RPS6KA2: variants seen among roughly 807,000 people sequenced by gnomAD.
RPS6KA2 encodes ribosomal protein S6 kinase alpha-2.
In RPS6KA2, 42 loss-of-function variants were observed where a neutral mutation model predicts 91.8. The ratio of observed to expected loss-of-function variants is 0.46; its 90% CI spans 0.36 to 0.59. The LOEUF is 0.59. Ranked by LOEUF, RPS6KA2 falls within the 20% of genes least tolerant of loss-of-function variation. The pLI is 0.00. For missense variants in RPS6KA2, 798 were observed against 978.5 expected (o/e 0.82, Z 2.46); for synonymous variants, 414 against 393.6 (o/e 1.05, Z -0.61).
At chr6:166,454,081 G>T (rs1380891997) in intron 12 of RPS6KA2, among the ~76,000 whole-genome samples, 2 of 152,138 alleles carry the variant, frequency 1.3e-5, no homozygotes, top group African/African-American at 4.8e-5. Context: ...TGAGGGATGA[G>T]AAATTACTTA....
chr6:166,613,572 A>G (rs556331926), intron 1 of RPS6KA2, among the ~76,000 whole-genome samples: 15 of 152,310 alleles, frequency 9.8e-5, no homozygotes, highest in African/African-American at 3.6e-4. Context: ...TCTGTCATGT[A>G]TAGTGTGTCC....
chr6:166,488,839 G>A lies in RPS6KA2; in HGVS notation c.901C>T (p.Arg301Trp), dbSNP rs1410370964. ...RALFKRNPCN[R>W]LGAGIDGVEE... The stretch of plus-strand genomic sequence containing the variant: ...GTGTCCCGGGGAATCTTACCCAGCC[G>A]GTTGCAGGGGTTCCGTTTGAAGAGA... The change falls in exon 10 of 21, where the codon CGG (arginine) becomes TGG (tryptophan). Residue 301 changes from arginine (R) to tryptophan (W), a missense_variant. Arg to Trp is a moderately radical substitution (Grantham distance 101). Transcript: ENST00000265678. 1.2e-6 allele frequency: 2 copies of A among 1,611,952 alleles called. No homozygotes were observed. Among genetic ancestry groups the A allele is most frequent in the Non-Finnish European group, 1.7e-6 (2 of 1,179,082 alleles).
intron 3 of RPS6KA2, among the ~76,000 whole-genome samples, chr6:166,515,597 A>T (rs900231723): frequency 6.6e-6 from 1 of 152,000 alleles, no homozygotes; most frequent in Non-Finnish European, 1.5e-5. Context: ...CTCTCAACAC[A>T]AGCTGGAGAT....
In RPS6KA2 at chr6:166,790,409, G is replaced by C. The variant is rs189527623; in HGVS notation, c.123+67791C>G. 3.7e-3 allele frequency among the ~76,000 whole-genome samples: 564 copies of C among 152,284 alleles called. 4 individuals are homozygous for C. Among genetic ancestry groups the C allele is most frequent in the African/African-American group, 0.013 (545 of 41,556 alleles). ...AGATAGGTGTACCTGAAAGTGATGGGGAGAATGGAACCAAGTTGGAAAACA... is the reference window on the plus strand; with the variant it reads ...AGATAGGTGTACCTGAAAGTGATGGCGAGAATGGAACCAAGTTGGAAAACA... On this transcript the variant is annotated intron_variant, in intron 2 of 21. Transcript: ENST00000503859.
At chr6:166,504,707 C>T in intron 5 of RPS6KA2, 95 bp from the exon 6 acceptor site, 4 of 833,950 alleles carry the variant, frequency 4.8e-6, no homozygotes, top group South Asian at 1.7e-5. Context: ...ACTGAGAGTC[C>T]ACACTGGGGT....
chr6:166,668,924 G>A (rs62438679), intron 2 of RPS6KA2, among the ~76,000 whole-genome samples: 9,935 of 128,476 alleles, frequency 0.077, 394 homozygotes, highest in Middle Eastern at 0.16. Context: ...GCCTCACTCT[G>A]TCACCTAGGC....
intron 2 of RPS6KA2, among the ~76,000 whole-genome samples, chr6:166,661,964 T>C (rs1007148775): frequency 2.0e-5 from 3 of 152,222 alleles, no homozygotes; most frequent in East Asian, 1.9e-4. Context: ...CAGTACATAT[T>C]GAAGAACTAT....
At chr6:166,754,413 G>T (rs368027034) in intron 2 of RPS6KA2, among the ~76,000 whole-genome samples, 1 of 152,190 alleles carries the variant, frequency 6.6e-6, no homozygotes, top group African/African-American at 2.4e-5. Flanking sequence ...GGCCTTTCAC[G>T]TGGCTTCCAG....
intron 1 of RPS6KA2, among the ~76,000 whole-genome samples, chr6:166,550,371 A>G (rs1276630643): frequency 6.6e-6 from 1 of 151,486 alleles, no homozygotes; most frequent in Non-Finnish European, 1.5e-5. Flanking sequence ...GCTGCAAGGG[A>G]AAAAAAAATG....
chr6:166,810,323 G>T (rs765223783), intron 2 of RPS6KA2, among the ~76,000 whole-genome samples: 13 of 152,156 alleles, frequency 8.5e-5, no homozygotes, highest in Non-Finnish European at 1.8e-4. Flanking sequence ...GAATGCTCTG[G>T]AATGTGTCAC....
chr6:166,553,352 G>C (rs1239625212), intron 1 of RPS6KA2, among the ~76,000 whole-genome samples: 1 of 151,954 alleles, frequency 6.6e-6, no homozygotes, highest in Non-Finnish European at 1.5e-5. Context: ...TCAAACTCCT[G>C]AGCTCAAGCA....
At chr6:166,610,730 A>C (rs1198125215) in intron 1 of RPS6KA2, among the ~76,000 whole-genome samples, 1 of 152,262 alleles carries the variant, frequency 6.6e-6, no homozygotes, top group African/African-American at 2.4e-5. Flanking sequence ...GTAGTGGTAA[A>C]GAAATAATGT....
chr6:166,702,473 T>A, intron 2 of RPS6KA2: 2 of 1,582,076 alleles, frequency 1.3e-6, no homozygotes, highest in Non-Finnish European at 8.7e-7. Context: ...TAGGTTACAT[T>A]TACAACTGCA....
At chr6:166,677,568 A>C (rs1788656640) in intron 2 of RPS6KA2, among the ~76,000 whole-genome samples, 1 of 152,160 alleles carries the variant, frequency 6.6e-6, no homozygotes, top group South Asian at 2.1e-4. Context: ...GCTGGTCTCA[A>C]ATTCCTGGCC....
rs180943725 is a variant in RPS6KA2 at position 166,505,796 on chromosome 6, C to T, written c.460-1184G>A. ...CATTCCACGCTTGGCCAGCGCCTTT[C>T]CCGGATGTATGTTTCTTTTCTAGAT... On this transcript the variant is annotated intron_variant, in intron 5 of 20. Coordinates refer to ENST00000265678, the MANE Select transcript of RPS6KA2 (RefSeq NM_021135.6). Among the ~76,000 whole-genome samples, 963 of 152,364 alleles carry T rather than the reference C, an allele frequency of 6.3e-3. 9 individuals carry two copies. The highest frequency in any genetic ancestry group is 0.01 in the Non-Finnish European group (701 of 68,036).
chr6:166,472,957 T>C (rs1287408273), intron 10 of RPS6KA2, among the ~76,000 whole-genome samples: 1 of 152,078 alleles, frequency 6.6e-6, no homozygotes, highest in Non-Finnish European at 1.5e-5. Context: ...GCAGGGCAAA[T>C]AGGAGTTCAA....
intron 2 of RPS6KA2, among the ~76,000 whole-genome samples, chr6:166,729,068 G>A (rs1444099636): frequency 1.3e-5 from 2 of 152,230 alleles, no homozygotes; most frequent in Non-Finnish European, 2.9e-5. Flanking sequence ...CACAGCAGGT[G>A]TGCCAGCATG....
intron 3 of RPS6KA2, among the ~76,000 whole-genome samples, chr6:166,520,328 C>G (rs1438165274): frequency 2.0e-5 from 3 of 152,182 alleles, no homozygotes; most frequent in African/African-American, 7.2e-5. Context: ...ACCAGCTCTC[C>G]TGGTTCTTGG....
chr6:166,458,813 T>C (rs1434539509), intron 12 of RPS6KA2, among the ~76,000 whole-genome samples: 1 of 152,212 alleles, frequency 6.6e-6, no homozygotes, highest in Non-Finnish European at 1.5e-5. Context: ...CAGTCTGTAG[T>C]ATTTTGTTAT....
Sources: gnomAD v4.1 joint callset for allele counts (sites outside exome capture counted in the v4.1 genomes callset) on GRCh38, gnomAD v4.1.1 for gene constraint, MANE v1.5 for transcripts, NCBI Gene and HGNC (gene_info 2026-07-23, HGNC 2026-07-21) for gene names.